The following MOB4 variants were observed in gnomAD, a reference collection of about 807,000 sequenced individuals.
MOB4 encodes the protein MOB family member 4, phocein, also known as MOB-like protein phocein.
MOB4 carries 4 observed loss-of-function variants against 32.2 expected under a neutral mutation model. The ratio of observed to expected loss-of-function variants is 0.12; its 90% CI spans 0.06 to 0.28. The LOEUF is 0.28. Among genes scored for constraint, MOB4 ranks in the 10% least tolerant of loss-of-function variants. MOB4 has a pLI of 1.00. For synonymous variants in MOB4, 88 were observed against 88.1 expected (o/e 1.00, Z 0.01); for missense variants, 158 against 271.2 (o/e 0.58, Z 2.93).
chr2:197,549,040 A>G (rs2087048728), intron 6 of MOB4, among the ~76,000 whole-genome samples: 1 of 152,038 alleles, frequency 6.6e-6, no homozygotes, highest in African/African-American at 2.4e-5. Context: ...ACCAGCCTGA[A>G]CAACATGTAG....
At chr2:197,522,062 A>G (rs1263880650) in intron 1 of MOB4, among the ~76,000 whole-genome samples, 1 of 152,156 alleles carries the variant, frequency 6.6e-6, no homozygotes, top group Non-Finnish European at 1.5e-5. Flanking sequence ...GGAAATTATA[A>G]AAGTATTAAT....
In MOB4 at chr2:197,516,082, G is replaced by T. The variant is rs1360655506; in HGVS notation, c.-5G>T. 2 of 1,592,976 alleles carry T rather than the reference G, an allele frequency of 1.3e-6. No homozygotes were observed. Among genetic ancestry groups the T allele is most frequent in the Non-Finnish European group, 1.7e-6 (2 of 1,171,184 alleles). On this transcript the variant is annotated 5_prime_UTR_variant, in exon 1 of 8. Transcript: ENST00000323303. ...ACCGACTCCAGCCGCCTAGACGCTG[G>T]CACTATGGTCATGGCGGAGGGGACG...
At chr2:197,528,936 A>G (rs889834351) in intron 2 of MOB4, among the ~76,000 whole-genome samples, 54 of 143,576 alleles carry the variant, frequency 3.8e-4, no homozygotes, top group African/African-American at 1.3e-3. Context: ...TCTTTGTATT[A>G]TTTTCTGTCT....
intron 3 of MOB4, among the ~76,000 whole-genome samples, chr2:197,539,180 AAATATT>A (rs1443602932): frequency 1.3e-5 from 2 of 152,156 alleles, no homozygotes; most frequent in Non-Finnish European, 2.9e-5. Context: ...ACATTGAACT[AAATATT>A]AATAGGTAGG....
Position 197,552,821 on chromosome 2 carries a change from G to C in MOB4, c.*2175G>C, listed in dbSNP as rs1553593157. On this transcript the variant is annotated 3_prime_UTR_variant, in exon 8 of 8. Coordinates refer to ENST00000323303, the MANE Select transcript of MOB4 (RefSeq NM_015387.5). ...CCTGGCAAACCATTGATTTATAAAA[G>C]TAAGTGTTCTAAGAGGGGAACAAGA... 6.6e-6 allele frequency: 1 copy of C among 152,270 alleles called. No individual in the cohort carries two copies. The highest frequency in any genetic ancestry group is 1.5e-5 in the Non-Finnish European group (1 of 68,032). The allele number at this position is 152,270 out of a possible 1,614,324, so 9.4% of individuals were successfully genotyped here.
intron 3 of MOB4, among the ~76,000 whole-genome samples, chr2:197,538,415 C>G (rs1453316307): frequency 6.7e-6 from 1 of 148,300 alleles, no homozygotes; most frequent in Non-Finnish European, 1.5e-5. Flanking sequence ...TGCATACATC[C>G]TTTATTGATT....
At chr2:197,525,086 C>G (rs1010857095) in intron 2 of MOB4, among the ~76,000 whole-genome samples, 1 of 152,140 alleles carries the variant, frequency 6.6e-6, no homozygotes, top group Non-Finnish European at 1.5e-5. Flanking sequence ...TGGCTCACGC[C>G]TGTAATCCCA....
intron 1 of MOB4, among the ~76,000 whole-genome samples, chr2:197,520,421 G>A (rs939965845): frequency 3.9e-5 from 6 of 152,042 alleles, no homozygotes; most frequent in African/African-American, 1.2e-4. Flanking sequence ...GTGAGCCACC[G>A]CGCCCGGCCT....
chr2:197,524,596 T>C (rs1052488174), intron 2 of MOB4, among the ~76,000 whole-genome samples: 1 of 151,710 alleles, frequency 6.6e-6, no homozygotes, highest in African/African-American at 2.4e-5. Context: ...AATAAAAAGA[T>C]AATATAAATT....
intron 1 of MOB4, among the ~76,000 whole-genome samples, chr2:197,522,600 G>A (rs954145211): frequency 1.3e-5 from 2 of 151,876 alleles, no homozygotes; most frequent in Admixed American, 1.3e-4. Context: ...CAAAGTGGTA[G>A]GGTTACTGGT....
intron 5 of MOB4, among the ~76,000 whole-genome samples, chr2:197,541,386 G>A (rs950786175): frequency 3.9e-5 from 6 of 152,084 alleles, no homozygotes; most frequent in Non-Finnish European, 8.8e-5. Flanking sequence ...GGGGATATTG[G>A]GTTAGGCCAA....
At chr2:197,550,191 A>G in intron 6 of MOB4, 84 bp from the exon 7 acceptor site, 1 of 1,300,120 alleles carries the variant, frequency 7.7e-7, no homozygotes, top group Non-Finnish European at 1.0e-6. Flanking sequence ...GTCAGTTTCT[A>G]CACTTGTAAG....
chr2:197,544,563 C>CT (rs1048851336), intron 5 of MOB4, among the ~76,000 whole-genome samples: 7 of 152,118 alleles, frequency 4.6e-5, no homozygotes, highest in African/African-American at 1.4e-4. Context: ...ACCATCCTGG[C>CT]TAACACGGTG....
In MOB4 at chr2:197,530,887, A is replaced by C. The variant is rs555132883; in HGVS notation, c.124-4643A>C. 7.2e-4 allele frequency among the ~76,000 whole-genome samples: 109 copies of C among 152,026 alleles called. No homozygotes were observed. The South Asian group carries it at 0.021, about 29-fold the overall frequency. On this transcript the variant is annotated intron_variant, in intron 2 of 7. Coordinates refer to ENST00000323303, the MANE Select transcript of MOB4 (RefSeq NM_015387.5). ...CTGGGATACAGACCTGAGCTACCAC[A>C]CCTGGACTTATCTTTGGGTTTTAGC...
intron 2 of MOB4, among the ~76,000 whole-genome samples, chr2:197,532,679 C>T (rs912376418): frequency 6.6e-6 from 1 of 151,516 alleles, no homozygotes; most frequent in African/African-American, 2.4e-5. Flanking sequence ...GAACGAAACT[C>T]TATCTCAAAA....
chr2:197,536,558 C>T (rs954563147), intron 3 of MOB4, among the ~76,000 whole-genome samples: 2 of 148,554 alleles, frequency 1.3e-5, no homozygotes, highest in African/African-American at 2.5e-5. Flanking sequence ...ATAGTATTTC[C>T]GTTTCCCCAT....
chr2:197,542,619 G>A (rs555034062), intron 5 of MOB4, among the ~76,000 whole-genome samples: 6 of 152,218 alleles, frequency 3.9e-5, no homozygotes, highest in African/African-American at 1.4e-4. Flanking sequence ...GCTTCTAGGC[G>A]ACAAACATTA....
At chr2:197,517,815 C>T (rs1321385866) in intron 1 of MOB4, among the ~76,000 whole-genome samples, 1 of 152,202 alleles carries the variant, frequency 6.6e-6, no homozygotes, top group Non-Finnish European at 1.5e-5. Flanking sequence ...GTATCTCCTT[C>T]CCTATTGGGT....
At chr2:197,524,399 GCATGTGC>G (rs1233653285) in intron 2 of MOB4, among the ~76,000 whole-genome samples, 1 of 151,912 alleles carries the variant, frequency 6.6e-6, no homozygotes, top group East Asian at 1.9e-4. Flanking sequence ...AGACATGGTG[GCATGTGC>G]CTGTAGTCCC....
Sources: gnomAD v4.1 joint callset for allele counts (sites outside exome capture counted in the v4.1 genomes callset) on GRCh38, gnomAD v4.1.1 for gene constraint, MANE v1.5 for transcripts, NCBI Gene and HGNC (gene_info 2026-07-23, HGNC 2026-07-21) for gene names.